The following PKP4 variants were observed in gnomAD, a reference collection of about 807,000 sequenced individuals.
PKP4 encodes plakophilin 4.
Under a neutral mutation model 145.1 loss-of-function variants are expected in PKP4, and 90 were observed. The observed-to-expected ratio is 0.62, with a 90% CI of 0.52 to 0.74. PKP4 has a LOEUF of 0.74. Among genes scored for constraint, PKP4 ranks in the 30% least tolerant of loss-of-function variants. The pLI, the probability that PKP4 is intolerant of heterozygous loss-of-function variation, is 0.00. For missense variants in PKP4, 1,340 were observed against 1,482.7 expected (o/e 0.90, Z 1.58); for synonymous variants, 563 against 577.2 (o/e 0.98, Z 0.35).
intron 1 of PKP4, among the ~76,000 whole-genome samples, chr2:158,515,504 C>T (rs1258757236): frequency 6.6e-6 from 1 of 151,762 alleles, no homozygotes; most frequent in African/African-American, 2.4e-5. Flanking sequence ...TCAGCAAAAA[C>T]AGAATTTCAT....
intron 4 of PKP4, among the ~76,000 whole-genome samples, chr2:158,619,264 C>T (rs1449554448): frequency 1.3e-5 from 2 of 152,196 alleles, no homozygotes; most frequent in Admixed American, 1.3e-4. Context: ...TATTGTCAGC[C>T]TGACAGTGAC....
At chr2:158,461,728 T>C (rs1323073287) in intron 1 of PKP4, among the ~76,000 whole-genome samples, 1 of 152,186 alleles carries the variant, frequency 6.6e-6, no homozygotes, top group Non-Finnish European at 1.5e-5. Context: ...TTCTATAGTT[T>C]CCTCTCCACT....
At chr2:158,545,504 T>G (rs1574406624) in intron 2 of PKP4, among the ~76,000 whole-genome samples, 1 of 152,208 alleles carries the variant, frequency 6.6e-6, no homozygotes, top group Admixed American at 6.5e-5. Context: ...GCATAGCTAT[T>G]AGGGAGTCTA....
chr2:158,651,457 C>T (rs188768681), intron 11 of PKP4, among the ~76,000 whole-genome samples: 1 of 152,082 alleles, frequency 6.6e-6, no homozygotes, highest in Non-Finnish European at 1.5e-5. Flanking sequence ...CCTGGGATAA[C>T]ACCTGTGCCT....
intron 1 of PKP4, among the ~76,000 whole-genome samples, chr2:158,468,666 C>G (rs1293191268): frequency 6.6e-6 from 1 of 151,878 alleles, no homozygotes; most frequent in Non-Finnish European, 1.5e-5. Context: ...TGGAATTAAT[C>G]CAGTCGTTAG....
chr2:158,637,760 C>G (rs182812324), intron 9 of PKP4, among the ~76,000 whole-genome samples: 2 of 152,164 alleles, frequency 1.3e-5, no homozygotes, highest in African/African-American at 4.8e-5. Flanking sequence ...GGTGGGAGGG[C>G]GAAATCCAGT....
In PKP4 at chr2:158,514,540, CAGAA is replaced by C. The variant is rs143322977; in HGVS notation, c.-5-18633_-5-18630del. ...TTCCTCTATCCTGCTGAAGACCAGA[CAGAA>C]AGAAAGGATGTTATCACAACTGAGA... On this transcript the variant is annotated intron_variant, in intron 1 of 21. Coordinates refer to ENST00000389759, the MANE Select transcript of PKP4 (RefSeq NM_003628.6). Among the ~76,000 whole-genome samples, 1,503 of 152,312 alleles carry C rather than the reference CAGAA, an allele frequency of 9.9e-3. 23 individuals are homozygous for C. The highest frequency in any genetic ancestry group is 0.035 in the African/African-American group (1,442 of 41,556).
intron 1 of PKP4, among the ~76,000 whole-genome samples, chr2:158,508,931 A>G (rs979297709): frequency 1.3e-5 from 2 of 152,232 alleles, no homozygotes; most frequent in African/African-American, 4.8e-5. Context: ...ATCATTATTT[A>G]TACTCTGTAA....
intron 2 of PKP4, among the ~76,000 whole-genome samples, chr2:158,567,637 G>A (rs1037115970): frequency 1.3e-5 from 2 of 152,214 alleles, no homozygotes; most frequent in Non-Finnish European, 2.9e-5. Flanking sequence ...TTGGCACTTA[G>A]CGTAGAGCCT....
At chr2:158,644,240 A>T (rs980069595) in intron 11 of PKP4, among the ~76,000 whole-genome samples, 1 of 152,204 alleles carries the variant, frequency 6.6e-6, no homozygotes, top group Non-Finnish European at 1.5e-5. Context: ...CAGTCTACTG[A>T]TAACAGCTTG....
intron 2 of PKP4, among the ~76,000 whole-genome samples, chr2:158,569,380 C>T (rs1022494489): frequency 3.3e-5 from 5 of 152,072 alleles, no homozygotes; most frequent in Admixed American, 2.6e-4. Flanking sequence ...TTTCTTTGAT[C>T]GTGAGATCTC....
chr2:158,483,756 T>C (rs1693721311), intron 1 of PKP4, among the ~76,000 whole-genome samples: 1 of 145,768 alleles, frequency 6.9e-6, no homozygotes, highest in South Asian at 2.3e-4. Context: ...AACATCTTAT[T>C]AGAACCAATT....
At chr2:158,530,999 T>C (rs777509950) in intron 1 of PKP4, among the ~76,000 whole-genome samples, 5 of 152,172 alleles carry the variant, frequency 3.3e-5, no homozygotes, top group Non-Finnish European at 5.9e-5. Context: ...CTTGATCCTA[T>C]GTTGCTGCAT....
intron 1 of PKP4, among the ~76,000 whole-genome samples, chr2:158,482,227 A>G (rs1183955669): frequency 6.6e-6 from 1 of 152,240 alleles, no homozygotes; most frequent in Non-Finnish European, 1.5e-5. Flanking sequence ...ACATCATCAC[A>G]GGAAGTTCAG....
chr2:158,469,019 T>C (rs1399530108), intron 1 of PKP4, among the ~76,000 whole-genome samples: 2 of 151,952 alleles, frequency 1.3e-5, no homozygotes, highest in Non-Finnish European at 2.9e-5. Flanking sequence ...CCACAAGCAA[T>C]CCTCCTGCCT....
rs538681929 is a variant in PKP4 at position 158,528,436 on chromosome 2, A to G, written c.-5-4744A>G. Among the ~76,000 whole-genome samples the G allele has an allele frequency of 1.9e-3, 188 of 96,894 alleles. 2 individuals carry two copies. Among genetic ancestry groups the G allele is most frequent in the African/African-American group, 5.7e-3 (148 of 25,892 alleles). 63.6% of individuals were successfully genotyped at this position (96,894 alleles called of 152,430 possible). A position where few individuals can be genotyped will look rare whatever the true frequency, so the allele number is the denominator to read the frequency against. Reference sequence around the variant, plus strand: ...CTCAGTCATAGGTGGGAATTGAACAATGAGATCACATGGTCACAGGAAGGG... The same window carrying G: ...CTCAGTCATAGGTGGGAATTGAACAGTGAGATCACATGGTCACAGGAAGGG... On this transcript the variant is annotated intron_variant, in intron 1 of 21. Coordinates refer to ENST00000389759, the MANE Select transcript of PKP4 (RefSeq NM_003628.6).
In PKP4 at chr2:158,680,800, GT is replaced by G. The variant is rs564419805; in HGVS notation, c.*133del. 6.3e-4 allele frequency: 510 copies of G among 804,570 alleles called. No homozygotes were observed. Among genetic ancestry groups the G allele is most frequent in the South Asian group, 9.9e-4 (48 of 48,464 alleles). The allele number at this position is 804,570 out of a possible 1,614,324, so 49.8% of individuals were successfully genotyped here. On this transcript the variant is annotated 3_prime_UTR_variant, in exon 22 of 22. Transcript: ENST00000389759. ...GAAGTGGAAGGAATGAATGAAGTGTGTTTTTTTTTTCTTTTTTGAGGAATTA... is the reference window on the plus strand; with the variant it reads ...GAAGTGGAAGGAATGAATGAAGTGTGTTTTTTTTTCTTTTTTGAGGAATTA...
At chr2:158,512,147 A>G (rs2041573232) in intron 1 of PKP4, among the ~76,000 whole-genome samples, 1 of 152,246 alleles carries the variant, frequency 6.6e-6, no homozygotes, top group Non-Finnish European at 1.5e-5. Flanking sequence ...TTATTTTAAA[A>G]TATACAAAAT....
intron 2 of PKP4, among the ~76,000 whole-genome samples, chr2:158,565,622 A>G (rs1182694930): frequency 6.6e-6 from 1 of 152,104 alleles, no homozygotes; most frequent in Non-Finnish European, 1.5e-5. Context: ...AGAGTCGGAG[A>G]AAAACAGGGA....
Sources: allele counts gnomAD v4.1 joint callset (sites outside exome capture counted in the v4.1 genomes callset), GRCh38; gene constraint gnomAD v4.1.1; transcripts MANE v1.5; gene names NCBI Gene and HGNC (gene_info 2026-07-23, HGNC 2026-07-21).